The following SPMIP7 variants were observed in gnomAD, a reference collection of about 807,000 sequenced individuals.
The protein encoded by SPMIP7 is protein SPMIP7.
chr7:50,096,506 C>G, the SPMIP7 span: 1 of 1,551,722 alleles, frequency 6.4e-7, no homozygotes, highest in Non-Finnish European at 8.7e-7. Flanking sequence ...ACCTCAACAT[C>G]GAGTTCCCAG....
the SPMIP7 span, among the ~76,000 whole-genome samples, chr7:50,158,817 C>T: frequency 6.6e-6 from 1 of 152,078 alleles, no homozygotes; most frequent in African/African-American, 2.4e-5. Flanking sequence ...CCTTGGGCGG[C>T]TTTCTGCAGA....
At chr7:50,100,615 A>G in the SPMIP7 span, among the ~76,000 whole-genome samples, 55 of 152,210 alleles carry the variant, frequency 3.6e-4, no homozygotes, top group East Asian at 9.9e-3. Context: ...GATCGAGACC[A>G]TTCAGGCTAA....
At chr7:50,098,837 C>CTG in the SPMIP7 span, among the ~76,000 whole-genome samples, 67 of 45,452 alleles carry the variant, frequency 1.5e-3, no homozygotes, top group African/African-American at 4.4e-3. Flanking sequence ...ACACACGAAT[C>CTG]TGGGGGGATA....
the SPMIP7 span, among the ~76,000 whole-genome samples, chr7:50,128,215 A>G: frequency 4.6e-5 from 7 of 152,036 alleles, no homozygotes; most frequent in African/African-American, 1.7e-4. Context: ...AGCCAACTAC[A>G]TAAGACAAAT....
chr7:50,107,346 G>A, the SPMIP7 span, among the ~76,000 whole-genome samples: 1 of 86,176 alleles, frequency 1.2e-5, no homozygotes, highest in Non-Finnish European at 2.0e-5. Context: ...CTGGATGACA[G>A]AATGAGACTC....
chr7:50,138,980 G>A, the SPMIP7 span, among the ~76,000 whole-genome samples: 1 of 152,110 alleles, frequency 6.6e-6, no homozygotes, highest in Non-Finnish European at 1.5e-5. Flanking sequence ...TGCCAAATGT[G>A]TAAAATACCC....
the SPMIP7 span, chr7:50,135,968 G>C: frequency 1.6e-6 from 1 of 641,594 alleles, no homozygotes; most frequent in Non-Finnish European, 2.8e-6. Flanking sequence ...GCAAAGCTTG[G>C]AGAGTGCGTT....
the SPMIP7 span, among the ~76,000 whole-genome samples, chr7:50,140,896 G>C: frequency 0.015 from 2,308 of 152,286 alleles, 27 homozygotes; most frequent in Non-Finnish European, 0.021. Flanking sequence ...CTGCACCTGT[G>C]AGGGTTTCCA....
chr7:50,152,522 C>A, the SPMIP7 span, among the ~76,000 whole-genome samples: 1 of 152,030 alleles, frequency 6.6e-6, no homozygotes, highest in Non-Finnish European at 1.5e-5. Flanking sequence ...ACAGTCTGAA[C>A]GATGTCTAGT....
At chr7:50,099,857 G>A in the SPMIP7 span, among the ~76,000 whole-genome samples, 16 of 152,030 alleles carry the variant, frequency 1.1e-4, no homozygotes, top group Non-Finnish European at 1.3e-4. Flanking sequence ...GCATCTACAA[G>A]CCCAGGCTAC....
At chr7:50,120,106 G>A in the SPMIP7 span, 2 of 152,088 alleles carry the variant, frequency 1.3e-5, no homozygotes, top group Admixed American at 1.3e-4. Context: ...TTGCTAATGG[G>A]CCTGGCTCAC....
chr7:50,146,466 G>A, the SPMIP7 span, among the ~76,000 whole-genome samples: 3 of 152,278 alleles, frequency 2.0e-5, no homozygotes, highest in East Asian at 3.9e-4. Flanking sequence ...CAAGAACACA[G>A]GAGGAAAGAA....
the SPMIP7 span, among the ~76,000 whole-genome samples, chr7:50,110,642 ATATAT>A: frequency 7.6e-3 from 1,049 of 137,784 alleles, 21 homozygotes; most frequent in African/African-American, 0.026. Context: ...TATTATATAA[ATATAT>A]TATATAATGT....
At chr7:50,120,182 G>A in the SPMIP7 span, 7 of 152,120 alleles carry the variant, frequency 4.6e-5, no homozygotes, top group African/African-American at 1.7e-4. Flanking sequence ...AGGCCAAAGT[G>A]ATCAATAACC....
the SPMIP7 span, chr7:50,096,273 C>G: frequency 6.4e-7 from 1 of 1,551,718 alleles, no homozygotes; most frequent in Non-Finnish European, 8.7e-7. Context: ...TGCAACCCTG[C>G]TTTTCTTAAA....
chr7:50,106,088 T>C, the SPMIP7 span, among the ~76,000 whole-genome samples: 3 of 152,358 alleles, frequency 2.0e-5, no homozygotes, highest in East Asian at 1.9e-4. Flanking sequence ...CTAGATATTA[T>C]TTCCAGTAGT....
chr7:50,149,783 C>T, the SPMIP7 span, among the ~76,000 whole-genome samples: 2 of 152,180 alleles, frequency 1.3e-5, no homozygotes, highest in African/African-American at 4.8e-5. Context: ...TAGTGCAATT[C>T]CCTGCCTGAT....
the SPMIP7 span, among the ~76,000 whole-genome samples, chr7:50,107,071 T>C: frequency 1.3e-5 from 2 of 152,114 alleles, no homozygotes; most frequent in Admixed American, 6.5e-5. Flanking sequence ...ACCCCATCTC[T>C]ATTAAAAATA....
the SPMIP7 span, chr7:50,136,008 G>A: frequency 1.4e-4 from 130 of 925,756 alleles, 1 homozygote; most frequent in Admixed American, 8.1e-4. Context: ...TAGCTATGAC[G>A]TAGAAAGGAC....
Sources: allele counts gnomAD v4.1 joint callset (sites outside exome capture counted in the v4.1 genomes callset), GRCh38; gene constraint gnomAD v4.1.1; transcripts MANE v1.5; gene names NCBI Gene and HGNC (gene_info 2026-07-23, HGNC 2026-07-21).